Variants in COL4A1 observed in about 807,000 individuals in gnomAD.
COL4A1 encodes the protein collagen alpha-1(IV) chain.
In COL4A1, 40 loss-of-function variants were observed where a neutral mutation model predicts 216.6. The observed-to-expected ratio is 0.18, with a 90% CI of 0.14 to 0.24. COL4A1 has a LOEUF of 0.24. COL4A1 is among the 10% of genes least tolerant of loss of function. The probability of loss-of-function intolerance (pLI) is 1.00; values close to 1 mark genes in which losing one functional copy is unlikely to be tolerated. For missense variants in COL4A1, 1,628 were observed against 2,196.8 expected, an observed-to-expected ratio of 0.74 and a Z score of 5.18; for synonymous variants, 839 against 810.7, an observed-to-expected ratio of 1.03 and a Z score of -0.59.
chr13:110,189,927 G>A (rs1412904781), intron 24 of COL4A1, among the ~76,000 whole-genome samples: 1 of 152,160 alleles, frequency 6.6e-6, no homozygotes, highest in Non-Finnish European at 1.5e-5. Flanking sequence ...AGAGATACTG[G>A]AGGAAGTATA....
rs780389465 is a variant in COL4A1, at chr13:110,173,942, T to C, written c.3463A>G (p.Ser1155Gly). The C allele has an allele frequency of 7.4e-6, 12 of 1,614,096 alleles. No homozygotes were observed. Among genetic ancestry groups the C allele is most frequent in the Admixed American group, 1.7e-5 (1 of 60,010 alleles). ...CCTGCTGACCCCGGGATTCCATCAC[T>C]GCCTGGCTCCCCTTTCTGGCCAGCT... is the stretch of plus-strand genomic sequence containing the variant. Reference protein sequence around the residue: ...GPAGQKGEPGSDGIPGSAGEK... With the variant: ...GPAGQKGEPGGDGIPGSAGEK... The change falls in exon 40 of 52, where the codon AGT becomes GGT. Residue 1155 changes from serine (S) to glycine (G), a missense_variant. This residue lies in a region of COL4A1 where 345 missense variants were observed against 476.9 expected (regional missense o/e 0.72). Coordinates refer to ENST00000375820, the MANE Select transcript of COL4A1 (RefSeq NM_001845.6).
At position 110,181,361 on chromosome 13, in the gene COL4A1, C is replaced by T. The variant is rs78426988; in HGVS notation, c.2124G>A (p.Gly708=). 4,841 of 1,613,604 alleles carry T rather than the reference C, an allele frequency of 3.0e-3. 92 individuals are homozygous for T. The African/African-American group carries it at 0.049, about 16-fold the overall frequency. Residue 708 remains glycine (G), a synonymous_variant, in exon 29 of 52, where the codon GGG becomes GGA. Coordinates refer to ENST00000375820, the MANE Select transcript of COL4A1 (RefSeq NM_001845.6). ...KGVDGLPGDM[G]PPGTPGRPGF... is the part of the protein sequence containing the mutation. ...CCGGGCGACCTGGAGTCCCCGGTGG[C>T]CCCATGTCTCCAGGTAAGCCGTCAA...
intron 1 of COL4A1, among the ~76,000 whole-genome samples, chr13:110,258,072 A>G (rs1882656561): frequency 1.3e-5 from 2 of 152,204 alleles, no homozygotes; most frequent in Non-Finnish European, 2.9e-5. Context: ...TGCATACAAT[A>G]CAACAAGGCT....
In COL4A1 at chr13:110,169,851, C is replaced by T. The variant is rs972264761; in HGVS notation, c.3743-89G>A. 5 of 1,513,512 alleles carry T rather than the reference C, an allele frequency of 3.3e-6. No individual in the cohort carries two copies. The African/African-American group carries it at 6.9e-5, about 21-fold the overall frequency. The allele number at this position is 1,513,512 out of a possible 1,614,324, so 93.8% of individuals were successfully genotyped here. ...GGGCTATCAATACTGCCACCCACGG[C>T]CCCTCACTGATACAACACTGGACCA... On this transcript the variant is annotated intron_variant, in intron 42 of 51. Coordinates refer to ENST00000375820, the MANE Select transcript of COL4A1 (RefSeq NM_001845.6).
At chr13:110,257,868 TAAG>T (rs1004774672) in intron 1 of COL4A1, among the ~76,000 whole-genome samples, 7 of 152,234 alleles carry the variant, frequency 4.6e-5, no homozygotes, top group African/African-American at 1.4e-4. Context: ...CAAAGGAACC[TAAG>T]AAGAATATTT....
intron 10 of COL4A1, 56 bp from the exon 11 acceptor site, chr13:110,209,483 C>A: frequency 1.6e-6 from 2 of 1,245,938 alleles, no homozygotes; most frequent in South Asian, 2.6e-5. Context: ...GAGCTTTAAG[C>A]CCTTCTTCAG....
chr13:110,226,401 A>G (rs1880738518), intron 2 of COL4A1, among the ~76,000 whole-genome samples: 1 of 152,210 alleles, frequency 6.6e-6, no homozygotes, highest in African/African-American at 2.4e-5. Context: ...AGCTAACGAC[A>G]TACACCGGTC....
chr13:110,256,219 C>T (rs1169478707), intron 1 of COL4A1, among the ~76,000 whole-genome samples: 6 of 152,042 alleles, frequency 3.9e-5, no homozygotes, highest in Non-Finnish European at 5.9e-5. Context: ...GGGCCCCAAG[C>T]GACAGGGTGA....
At chr13:110,168,050 CG>C (rs1345234394) in intron 43 of COL4A1, among the ~76,000 whole-genome samples, 8 of 151,772 alleles carry the variant, frequency 5.3e-5, no homozygotes, top group African/African-American at 1.9e-4. Flanking sequence ...GACAGAGTCT[CG>C]CTCTGTCATC....
At chr13:110,259,444 C>A (rs1594098518) in intron 1 of COL4A1, among the ~76,000 whole-genome samples, 1 of 152,200 alleles carries the variant, frequency 6.6e-6, no homozygotes, top group Non-Finnish European at 1.5e-5. Flanking sequence ...CTAGGTGGAG[C>A]AAAACACAAG....
At chr13:110,181,900 C>A (rs941961455) in intron 28 of COL4A1, among the ~76,000 whole-genome samples, 2 of 152,194 alleles carry the variant, frequency 1.3e-5, no homozygotes, top group Non-Finnish European at 2.9e-5. Flanking sequence ...ATGAAGCTGG[C>A]CAGCCACTAG....
chr13:110,230,746 G>A (rs1236033302), intron 2 of COL4A1, among the ~76,000 whole-genome samples: 1 of 152,228 alleles, frequency 6.6e-6, no homozygotes, highest in Non-Finnish European at 1.5e-5. Flanking sequence ...CCCGTGGTAT[G>A]TTCCTCTGCC....
At chr13:110,222,339 C>A (rs1880524537) in intron 2 of COL4A1, among the ~76,000 whole-genome samples, 1 of 152,158 alleles carries the variant, frequency 6.6e-6, no homozygotes, top group Admixed American at 6.5e-5. Context: ...GTGACAGGCC[C>A]GGGCGGAGGA....
intron 42 of COL4A1, 21 bp downstream of exon 42, chr13:110,170,526 C>T (rs1326371475): frequency 3.8e-6 from 6 of 1,582,854 alleles, no homozygotes; most frequent in South Asian, 1.1e-5. Flanking sequence ...TCAGCCCTGG[C>T]CCCTGGCGAG....
intron 2 of COL4A1, among the ~76,000 whole-genome samples, chr13:110,229,861 G>A (rs1420826206): frequency 6.6e-6 from 1 of 152,202 alleles, no homozygotes; most frequent in African/African-American, 2.4e-5. Context: ...CTATGCCTCT[G>A]CCCTGTAAAA....
At chr13:110,242,059 G>A (rs1232134112) in intron 2 of COL4A1, among the ~76,000 whole-genome samples, 1 of 152,132 alleles carries the variant, frequency 6.6e-6, no homozygotes, top group Non-Finnish European at 1.5e-5. Context: ...TAAAAAAACA[G>A]CCAGGCACCC....
At chr13:110,282,091 CA>C (rs1268593934) in intron 1 of COL4A1, among the ~76,000 whole-genome samples, 1 of 152,216 alleles carries the variant, frequency 6.6e-6, no homozygotes, top group Non-Finnish European at 1.5e-5. Context: ...ACCAATTACT[CA>C]CCAGTTTCTA....
chr13:110,247,001 G>A (rs1053694434), intron 1 of COL4A1, among the ~76,000 whole-genome samples: 1 of 152,134 alleles, frequency 6.6e-6, no homozygotes, highest in South Asian at 2.1e-4. Flanking sequence ...TCTTATAAAA[G>A]CAGACCAGCC....
intron 1 of COL4A1, among the ~76,000 whole-genome samples, chr13:110,247,831 GTGT>G (rs1566411197): frequency 2.4e-4 from 31 of 129,050 alleles, no homozygotes; most frequent in South Asian, 5.9e-4. Flanking sequence ...GTGTGTGTGT[GTGT>G]GGCAGAGAGA....
Sources: allele counts gnomAD v4.1 joint callset (sites outside exome capture counted in the v4.1 genomes callset), GRCh38; gene constraint gnomAD v4.1.1; regional missense constraint gnomAD v4.1.1; transcripts MANE v1.5; gene names NCBI Gene and HGNC (gene_info 2026-07-23, HGNC 2026-07-21).